LTBP4: variants seen among roughly 807,000 people sequenced by gnomAD.
LTBP4 encodes latent transforming growth factor beta binding protein 4.
A neutral mutation model predicts 180.2 loss-of-function variants in LTBP4; 93 were observed. The observed-to-expected ratio is 0.52, with a 90% CI of 0.44 to 0.61. The LOEUF (loss-of-function observed/expected upper bound fraction) is 0.61, where lower values mean the gene tolerates loss of function less well. LTBP4 is among the 20% of genes least tolerant of loss of function. The pLI is 0.00. For synonymous variants in LTBP4, 947 were observed against 934.5 expected, an observed-to-expected ratio of 1.01 and a Z score of -0.24; for missense variants, 2,116 against 2,256.5, an observed-to-expected ratio of 0.94 and a Z score of 1.26.
upstream of LTBP4, chr19:40,599,371 G>C: frequency 6.2e-7 from 1 of 1,610,196 alleles, no homozygotes. Flanking sequence ...ATTTGGTAGA[G>C]AAGTACTTGG....
Position 40,608,614 on chromosome 19 carries a change from A to G in LTBP4, c.1426+11A>G. The G allele has an allele frequency of 6.3e-7, 1 of 1,575,488 alleles. No homozygotes were observed. Among genetic ancestry groups the G allele is most frequent in the Non-Finnish European group, 8.6e-7 (1 of 1,161,174 alleles). The stretch of plus-strand genomic sequence containing the variant: ...AGATTCCTGAATCAGGTTTGCTAGA[A>G]AGAACTGAGGGCATTGGGCCTGCAG... On this transcript the variant is annotated intron_variant, in intron 9 of 29. Coordinates refer to ENST00000396819, the MANE Select transcript of LTBP4 (RefSeq NM_001042545.2).
upstream of LTBP4, chr19:40,600,275 C>G (rs983059208): frequency 4.3e-5 from 23 of 538,714 alleles, no homozygotes; most frequent in Admixed American, 7.5e-4. This position sits in a 1 kb window ranked among gnomAD's most constrained non-coding sequence, Gnocchi z 4.4. Flanking sequence ...TACCCGCCCC[C>G]CGTTGTAGCT....
At chr19:40,623,871 G>C in intron 25 of LTBP4, 65 bp from the exon 26 acceptor site, 1 of 1,603,632 alleles carries the variant, frequency 6.2e-7, no homozygotes, top group Non-Finnish European at 8.5e-7. Flanking sequence ...CCAATGTGCT[G>C]GGAAGAGAAA....
rs7258772 is a variant in LTBP4 at position 40,629,378 on chromosome 19, G to A, written c.4520-18G>A. The A allele has an allele frequency of 7.4e-6, 12 of 1,611,918 alleles. No individual in the cohort carries two copies. Among genetic ancestry groups the A allele is most frequent in the Non-Finnish European group, 1.0e-5 (12 of 1,179,148 alleles). On this transcript the variant is annotated intron_variant, in intron 29 of 29. Coordinates refer to ENST00000396819, the MANE Select transcript of LTBP4 (RefSeq NM_001042545.2). The surrounding 1 kb of genome is among the most constrained non-coding windows in gnomAD (Gnocchi z 4.5). ...GGGGCCCCAGCCTTCAGCAGCGATC[G>A]TTGTCTCCCCTCCGCAGACATCAAC... is the stretch of plus-strand genomic sequence containing the variant.
chr19:40,601,873 G>A (rs1427885028), intron 1 of LTBP4, among the ~76,000 whole-genome samples: 1 of 152,136 alleles, frequency 6.6e-6, no homozygotes, highest in East Asian at 1.9e-4. Context: ...TGTCCCACGT[G>A]AGGGAATTGG....
Position 40,627,748 on chromosome 19 carries a change from C to T in LTBP4, c.4410C>T (p.Cys1470=), listed in dbSNP as rs115718556. 1.7e-3 allele frequency: 2,646 copies of T among 1,595,452 alleles called. 32 individuals carry two copies. The African/African-American group carries it at 0.026, about 16-fold the overall frequency. ...EPYEELEAEE[C]GILDGCTNGR... is the part of the protein sequence containing the mutation. ...ACGAGGAGCTGGAGGCGGAGGAGTGCGGGATCCTGGACGGCTGCACCAACG... is the reference window on the plus strand; with the variant it reads ...ACGAGGAGCTGGAGGCGGAGGAGTGTGGGATCCTGGACGGCTGCACCAACG... The change falls in exon 29 of 30, where the codon TGC becomes TGT. Residue 1470 remains cysteine, a synonymous_variant. Transcript: ENST00000396819.
In LTBP4 at chr19:40,605,500, G is replaced by T; in HGVS notation, c.538G>T (p.Ala180Ser). ...VERVSGPWEE[A>S]DAEAVARAEA... ...GCGTGTGTCTGGCCCTTGGGAGGAG[G>T]CGGACGCTGAGGCGGTGGCGCGGGC... The change falls in exon 3 of 30, where the codon GCG becomes TCG. Residue 180 changes from alanine (A) to serine (S), a missense_variant. Coordinates refer to ENST00000396819, the MANE Select transcript of LTBP4 (RefSeq NM_001042545.2). The surrounding 1 kb of genome is among the most constrained non-coding windows in gnomAD (Gnocchi z 5.5). 1.2e-6 allele frequency: 2 copies of T among 1,610,652 alleles called. No individual in the cohort carries two copies. The highest frequency in any genetic ancestry group is 1.7e-6 in the Non-Finnish European group (2 of 1,179,186).
rs1295856529 is a variant in LTBP4, at chr19:40,622,186, A to G, written c.3218-215A>G. Among the ~76,000 whole-genome samples, 1 of 152,150 alleles carries G rather than the reference A, an allele frequency of 6.6e-6. No individual in the cohort carries two copies. Among genetic ancestry groups the G allele is most frequent in the Non-Finnish European group, 1.5e-5 (1 of 68,022 alleles). The stretch of plus-strand genomic sequence containing the variant: ...TTAGCTGCAGTGACGGGAAAGTGTG[A>G]GGTGGGGAGGCAAGAGATGCAGAAA... On this transcript the variant is annotated intron_variant, in intron 22 of 29. Coordinates refer to ENST00000396819, the MANE Select transcript of LTBP4 (RefSeq NM_001042545.2). The surrounding 1 kb of genome is among the most constrained non-coding windows in gnomAD (Gnocchi z 5.1).
chr19:40,602,716 T>G (rs1200293477), intron 1 of LTBP4, among the ~76,000 whole-genome samples: 1 of 152,122 alleles, frequency 6.6e-6, no homozygotes, highest in Non-Finnish European at 1.5e-5. Flanking sequence ...AAGGGACCCC[T>G]ATGTCCTCAA....
At chr19:40,614,484 A>G in intron 19 of LTBP4, 38 bp downstream of exon 19, 2 of 1,585,404 alleles carry the variant, frequency 1.3e-6, no homozygotes, top group Non-Finnish European at 1.7e-6. Flanking sequence ...AGCGCTTGCA[A>G]CGCGGTGCTG....
Position 40,610,030 on chromosome 19 carries a change from AC to A in LTBP4, c.1684+162del, listed in dbSNP as rs1320221737. On this transcript the variant is annotated intron_variant, in intron 11 of 29. Coordinates refer to ENST00000396819, the MANE Select transcript of LTBP4 (RefSeq NM_001042545.2). The stretch of plus-strand genomic sequence containing the variant: ...CCCTGCCCTTCCCTGACCCGCCTCC[AC>A]CCAGCTCCAGCCTCCCTTTGACCCC... The A allele has an allele frequency of 3.3e-5, 32 of 973,830 alleles. 1 individual carries two copies. In the Admixed American group the frequency reaches 7.7e-4, roughly 23 times the overall value. 60.3% of individuals were successfully genotyped at this position (973,830 alleles called of 1,614,324 possible).
chr19:40,625,255 TATATATATATATATATATATATATATA>T (rs1568414241), intron 26 of LTBP4, among the ~76,000 whole-genome samples: 60 of 1,912 alleles, frequency 0.031, 6 homozygotes, highest in Middle Eastern at 0.1. Context: ...TTTGTATTTA[TATATATATATATATATATATATATATA>T]TATATATATA....
At position 40,601,592 on chromosome 19, in the gene LTBP4, G is replaced by A; in HGVS notation, c.205G>A (p.Gly69Ser). 7.1e-7 allele frequency: 1 copy of A among 1,417,208 alleles called. No individual in the cohort carries two copies. Among genetic ancestry groups the A allele is most frequent in the East Asian group, 3.0e-5 (1 of 33,634 alleles). The allele number at this position is 1,417,208 out of a possible 1,614,324, so 87.8% of individuals were successfully genotyped here. Residue 69 changes from glycine to serine, a missense_variant, in exon 1 of 30, where the codon GGC becomes AGC. Coordinates refer to ENST00000396819, the MANE Select transcript of LTBP4 (RefSeq NM_001042545.2). The part of the protein sequence containing the change: ...APRNATSVDS[G>S]APGGAAPGGP... Reference sequence around the variant, plus strand: ...CCGCAACGCCACCAGCGTGGACAGCGGCGCTCCCGGCGGGGCGGCCCCGGG... The same window carrying A: ...CCGCAACGCCACCAGCGTGGACAGCAGCGCTCCCGGCGGGGCGGCCCCGGG...
At position 40,609,906 on chromosome 19, in the gene LTBP4, C is replaced by T; in HGVS notation, c.1684+35C>T. The stretch of plus-strand genomic sequence containing the variant: ...TTGCCCCACCCGGCTCCAGGCCCAC[C>T]CCAGGGTCTCGCTCCTGCTCTCACT... On this transcript the variant is annotated intron_variant, in intron 11 of 29. Coordinates refer to ENST00000396819, the MANE Select transcript of LTBP4 (RefSeq NM_001042545.2). The surrounding 1 kb of genome is among the most constrained non-coding windows in gnomAD (Gnocchi z 4.9). The T allele has an allele frequency of 6.7e-7, 1 of 1,493,800 alleles. No individual in the cohort carries two copies. The allele number at this position is 1,493,800 out of a possible 1,614,324, so 92.5% of individuals were successfully genotyped here. A position where few individuals can be genotyped will look rare whatever the true frequency, so the allele number is the denominator to read the frequency against.
intron 29 of LTBP4, among the ~76,000 whole-genome samples, chr19:40,628,665 ATAT>A (rs1443511104): frequency 6.6e-6 from 1 of 152,206 alleles, no homozygotes; most frequent in Non-Finnish European, 1.5e-5. Flanking sequence ...AGAATTGCGA[ATAT>A]TATTAACACT....
upstream of LTBP4, chr19:40,599,656 C>T: frequency 8.7e-7 from 1 of 1,143,814 alleles, no homozygotes; most frequent in East Asian, 2.4e-5. Context: ...TCTCTCTCCC[C>T]CCTCCCTCCC....
At position 40,622,767 on chromosome 19, in the gene LTBP4, A is replaced by G; in HGVS notation, c.3484+100A>G. On this transcript the variant is annotated intron_variant, in intron 23 of 29. Coordinates refer to ENST00000396819, the MANE Select transcript of LTBP4 (RefSeq NM_001042545.2). This position sits in a 1 kb window ranked among gnomAD's most constrained non-coding sequence, Gnocchi z 5.1. ...GGGGACACTTTTGGACAGGGCCTTG[A>G]GGTACTAGTACTGTCAGGGCAAGGG... 1 of 1,466,274 alleles carries G rather than the reference A, an allele frequency of 6.8e-7. No individual in the cohort carries two copies. The highest frequency in any genetic ancestry group is 9.1e-7 in the Non-Finnish European group (1 of 1,098,058). 90.8% of individuals were successfully genotyped at this position (1,466,274 alleles called of 1,614,324 possible). A position where few individuals can be genotyped will look rare whatever the true frequency, so the allele number is the denominator to read the frequency against.
upstream of LTBP4, chr19:40,599,319 G>A: frequency 1.2e-6 from 2 of 1,610,508 alleles, no homozygotes; most frequent in Non-Finnish European, 1.7e-6. Context: ...GGGGCAGGGA[G>A]CTCCCCATCC....
In LTBP4 at chr19:40,622,905, GGC is replaced by G; in HGVS notation, c.3485-44_3485-43del. ...GTGGGCACGAGCAGGTCAGGGCTGGGGCTGGGGCTCTGGTGTCCTGGCTCAGG... is the reference window on the plus strand; with the variant it reads ...GTGGGCACGAGCAGGTCAGGGCTGGGTGGGGCTCTGGTGTCCTGGCTCAGG... On this transcript the variant is annotated intron_variant, in intron 23 of 29. Transcript: ENST00000396819. This position sits in a 1 kb window ranked among gnomAD's most constrained non-coding sequence, Gnocchi z 5.1. 1 of 1,593,480 alleles carries G rather than the reference GGC, an allele frequency of 6.3e-7. No homozygotes were observed. Among genetic ancestry groups the G allele is most frequent in the Non-Finnish European group, 8.6e-7 (1 of 1,165,278 alleles).
Sources: allele counts gnomAD v4.1 joint callset (sites outside exome capture counted in the v4.1 genomes callset), GRCh38; gene constraint gnomAD v4.1.1; non-coding constraint Gnocchi (gnomAD v3.1); transcripts MANE v1.5; gene names NCBI Gene and HGNC (gene_info 2026-07-23, HGNC 2026-07-21).